The following NBEA variants were observed in gnomAD, a reference collection of about 807,000 sequenced individuals.
NBEA encodes neurobeachin.
Under a neutral mutation model 343.4 loss-of-function variants are expected in NBEA, and 44 were observed. That is an observed-to-expected ratio of 0.13 (90% CI 0.10 to 0.16). The LOEUF (loss-of-function observed/expected upper bound fraction) is 0.16. NBEA is among the 10% of genes least tolerant of loss of function. NBEA has a pLI of 1.00. For synonymous variants in NBEA, 1,175 were observed against 1,238.7 expected (o/e 0.95, Z 1.08); for missense variants, 2,555 against 3,631.3 (o/e 0.70, Z 7.62).
intron 35 of NBEA, among the ~76,000 whole-genome samples, chr13:35,298,114 CA>C: frequency 6.7e-6 from 1 of 149,974 alleles, no homozygotes; most frequent in East Asian, 2.0e-4. Context: ...TCTAATCTTA[CA>C]GTAAAATAAG....
At chr13:35,433,479 C>A (rs2045246290) in intron 39 of NBEA, among the ~76,000 whole-genome samples, 1 of 151,806 alleles carries the variant, frequency 6.6e-6, no homozygotes, top group Non-Finnish European at 1.5e-5. Flanking sequence ...TCATGTAAAA[C>A]CATTCATGTT....
chr13:34,943,073 G>A lies in NBEA; in HGVS notation c.253G>A (p.Glu85Lys), dbSNP rs2059079891. The stretch of plus-strand genomic sequence containing the variant: ...GTTGATTGGACTCATACAGGTCGGA[G>A]AGGTCAGCAACAGGGACATCGTGGA... Reference protein sequence around the residue: ...AVLIGLIQVGEVSNRDIVETV... With the variant: ...AVLIGLIQVGKVSNRDIVETV... The change falls in exon 1 of 59, where the codon GAG becomes AAG. Residue 85 changes from glutamate (E) to lysine (K), a missense_variant. Coordinates refer to ENST00000379939, the MANE Select transcript of NBEA (RefSeq NM_001385012.1). 8 of 1,613,746 alleles carry A rather than the reference G, an allele frequency of 5.0e-6. No homozygotes were observed. Among genetic ancestry groups the A allele is most frequent in the Non-Finnish European group, 5.9e-6 (7 of 1,179,794 alleles).
intron 38 of NBEA, among the ~76,000 whole-genome samples, chr13:35,363,638 G>A (rs1176958318): frequency 6.6e-6 from 1 of 151,828 alleles, no homozygotes; most frequent in Non-Finnish European, 1.5e-5. Context: ...GTTGGCATAG[G>A]ATGAAGTGGA....
intron 39 of NBEA, among the ~76,000 whole-genome samples, chr13:35,439,458 A>G (rs1250755932): frequency 6.6e-6 from 1 of 152,212 alleles, no homozygotes; most frequent in Non-Finnish European, 1.5e-5. Context: ...AGGTCATAAC[A>G]GAAATTACCA....
At chr13:35,539,327 G>A (rs534037402) in intron 41 of NBEA, among the ~76,000 whole-genome samples, 3 of 152,242 alleles carry the variant, frequency 2.0e-5, no homozygotes, top group African/African-American at 7.2e-5. Context: ...GAAGGGATCT[G>A]CCAGTCAGAA....
chr13:35,493,839 G>A (rs935606096), intron 41 of NBEA, among the ~76,000 whole-genome samples: 30 of 151,822 alleles, frequency 2.0e-4, no homozygotes, highest in African/African-American at 6.5e-4. Flanking sequence ...CTTTAAAGGT[G>A]TATCTCGTCA....
At chr13:35,072,430 A>G (rs1404830453) in intron 10 of NBEA, among the ~76,000 whole-genome samples, 3 of 152,092 alleles carry the variant, frequency 2.0e-5, no homozygotes, top group South Asian at 2.1e-4. Context: ...GAGATAAAAG[A>G]TAGTGTGAGG....
In NBEA at chr13:35,647,980, A is replaced by C. The variant is rs557552700; in HGVS notation, c.7770+1632A>C. Among the ~76,000 whole-genome samples, 7 of 152,030 alleles carry C rather than the reference A, an allele frequency of 4.6e-5. No homozygotes were observed. The East Asian group carries it at 1.4e-3, about 29-fold the overall frequency. ...AGCCTCAAACTCCTAGGCTCACACG[A>C]TCTTTCTTCCTCAGTCTTCCTAGTA... On this transcript the variant is annotated intron_variant, in intron 51 of 58. Coordinates refer to ENST00000379939, the MANE Select transcript of NBEA (RefSeq NM_001385012.1).
chr13:35,371,857 T>A (rs2041452595), intron 38 of NBEA, among the ~76,000 whole-genome samples: 1 of 152,212 alleles, frequency 6.6e-6, no homozygotes, highest in Admixed American at 6.5e-5. Context: ...ACTCTCTATA[T>A]AATTTCTTAA....
At chr13:35,122,050 A>G (rs1213681764) in intron 16 of NBEA, among the ~76,000 whole-genome samples, 1 of 152,188 alleles carries the variant, frequency 6.6e-6, no homozygotes, top group Non-Finnish European at 1.5e-5. Context: ...AATGGAATAA[A>G]ATTTCTAAAC....
chr13:35,302,197 A>AT (rs1349840644), intron 35 of NBEA, among the ~76,000 whole-genome samples: 2 of 152,066 alleles, frequency 1.3e-5, no homozygotes, highest in South Asian at 2.1e-4. Flanking sequence ...ACTTTAGATA[A>AT]TTTTTTAATT....
intron 41 of NBEA, among the ~76,000 whole-genome samples, chr13:35,535,296 G>C (rs755947682): frequency 3.3e-5 from 5 of 152,070 alleles, no homozygotes; most frequent in Non-Finnish European, 7.4e-5. Flanking sequence ...GGTGCTTTAA[G>C]GTGTTTTTTG....
chr13:35,004,695 A>T (rs749513299), intron 1 of NBEA, among the ~76,000 whole-genome samples: 8 of 152,214 alleles, frequency 5.3e-5, no homozygotes, highest in Non-Finnish European at 1.2e-4. Flanking sequence ...CAGCAAGTCC[A>T]CTACTTAATA....
intron 17 of NBEA, among the ~76,000 whole-genome samples, chr13:35,141,682 A>G (rs1420441716): frequency 6.6e-6 from 1 of 152,192 alleles, no homozygotes; most frequent in African/African-American, 2.4e-5. Context: ...TGGGTGTGGG[A>G]GGGACACAAT....
chr13:35,448,682 G>T (rs1440410158), intron 39 of NBEA, among the ~76,000 whole-genome samples: 3 of 152,186 alleles, frequency 2.0e-5, no homozygotes, highest in African/African-American at 7.2e-5. Context: ...TATAAATTAT[G>T]CAGTAGCAGG....
At position 35,255,957 on chromosome 13, in the gene NBEA, A is replaced by G. The variant is rs565576959; in HGVS notation, c.5776+23338A>G. Among the ~76,000 whole-genome samples the G allele has an allele frequency of 7.9e-5, 12 of 152,352 alleles. No homozygotes were observed. In the South Asian group the frequency reaches 2.5e-3, roughly 32 times the overall value. On this transcript the variant is annotated intron_variant, in intron 34 of 58. Coordinates refer to ENST00000379939, the MANE Select transcript of NBEA (RefSeq NM_001385012.1). ...AACTCTTGGGAGACCCAAAGTGGGT[A>G]GCTCCTTTCCGCAGGCAGGTCATCC...
intron 31 of NBEA, among the ~76,000 whole-genome samples, chr13:35,199,736 A>G (rs2072883157): frequency 6.6e-6 from 1 of 152,108 alleles, no homozygotes. Context: ...CAGTGTTTTG[A>G]AGTTTATAAT....
chr13:34,980,976 A>C (rs1423052288), intron 1 of NBEA, among the ~76,000 whole-genome samples: 2 of 152,182 alleles, frequency 1.3e-5, no homozygotes, highest in Non-Finnish European at 2.9e-5. Context: ...CATACAATTC[A>C]ATGAATTTTA....
chr13:35,139,766 T>A (rs1283265610), intron 17 of NBEA, among the ~76,000 whole-genome samples: 2 of 147,032 alleles, frequency 1.4e-5, no homozygotes, highest in Admixed American at 1.4e-4. Context: ...TTTTTTTTTT[T>A]TTTTTTATCT....
Sources: gnomAD v4.1 joint callset for allele counts (sites outside exome capture counted in the v4.1 genomes callset) on GRCh38, gnomAD v4.1.1 for gene constraint, MANE v1.5 for transcripts, NCBI Gene and HGNC (gene_info 2026-07-23, HGNC 2026-07-21) for gene names.